Variants in CPA6 observed in about 807,000 individuals in gnomAD.
CPA6 encodes carboxypeptidase A6.
Under a neutral mutation model 63.3 loss-of-function variants are expected in CPA6, and 58 were observed. The ratio of observed to expected loss-of-function variants is 0.92; its 90% CI spans 0.74 to 1.14. CPA6 has a LOEUF of 1.14. Among genes scored for constraint, CPA6 ranks in the 50% most tolerant of loss-of-function variants. The probability of loss-of-function intolerance (pLI) is 0.00; values close to 1 mark genes in which losing one functional copy is unlikely to be tolerated. For synonymous variants in CPA6, 185 were observed against 179.0 expected (o/e 1.03, Z -0.27); for missense variants, 565 against 526.6 (o/e 1.07, Z -0.71).
At chr8:67,589,091 A>T (rs527441483) in intron 2 of CPA6, among the ~76,000 whole-genome samples, 1 of 151,804 alleles carries the variant, frequency 6.6e-6, no homozygotes, top group South Asian at 2.1e-4. Flanking sequence ...GCACTCCGGC[A>T]TGGGTGACAG....
chr8:67,518,063 C>A lies in CPA6; in HGVS notation c.193-16G>T, dbSNP rs377104806. On this transcript the variant is annotated splice_polypyrimidine_tract_variant and intron_variant, in intron 2 of 10. Transcript: ENST00000297770. ...ACAGGTCCACCTGTAGTGCAGGAAC[C>A]AACCTATAATTCATATCCAACGTAG... The A allele has an allele frequency of 9.6e-6, 15 of 1,561,234 alleles. No homozygotes were observed. The highest frequency in any genetic ancestry group is 2.7e-5 in the African/African-American group (2 of 72,798).
chr8:67,670,874 A>G (rs1037788442), intron 1 of CPA6, among the ~76,000 whole-genome samples: 5 of 152,224 alleles, frequency 3.3e-5, no homozygotes, highest in African/African-American at 1.2e-4. Context: ...AGGGGATACC[A>G]GAAATGAAAC....
chr8:67,491,250 G>A (rs1208536578), intron 6 of CPA6, among the ~76,000 whole-genome samples: 1 of 149,378 alleles, frequency 6.7e-6, no homozygotes, highest in African/African-American at 2.5e-5. Flanking sequence ...TTTCAAAGGG[G>A]AGCTTAATCT....
chr8:67,702,467 T>A (rs114288003), intron 1 of CPA6, among the ~76,000 whole-genome samples: 1 of 151,752 alleles, frequency 6.6e-6, no homozygotes, highest in Non-Finnish European at 1.5e-5. Context: ...GATGGTCAGG[T>A]GGTGGTTAAA....
chr8:67,552,266 AC>A (rs1812955501), intron 2 of CPA6, among the ~76,000 whole-genome samples: 1 of 152,232 alleles, frequency 6.6e-6, no homozygotes, highest in Non-Finnish European at 1.5e-5. Context: ...GTGGCAGGTT[AC>A]TTACCAAAGC....
chr8:67,662,410 C>CAT (rs1816130453), intron 1 of CPA6, among the ~76,000 whole-genome samples: 1 of 140,406 alleles, frequency 7.1e-6, no homozygotes, highest in African/African-American at 2.5e-5. Flanking sequence ...TATACACACA[C>CAT]GTATATGTAT....
intron 1 of CPA6, among the ~76,000 whole-genome samples, chr8:67,629,425 G>C (rs1006527350): frequency 1.4e-5 from 2 of 146,546 alleles, no homozygotes; most frequent in Admixed American, 1.4e-4. Context: ...AGGCTGCAGT[G>C]AGCTATGATC....
intron 2 of CPA6, among the ~76,000 whole-genome samples, chr8:67,590,591 GT>G (rs1314480821): frequency 6.6e-6 from 1 of 152,192 alleles, no homozygotes; most frequent in Non-Finnish European, 1.5e-5. Flanking sequence ...TCTAACTGGT[GT>G]GAGATGGTAT....
At chr8:67,511,365 TA>T (rs1812038849) in intron 4 of CPA6, among the ~76,000 whole-genome samples, 175 bp downstream of exon 4, 1 of 152,186 alleles carries the variant, frequency 6.6e-6, no homozygotes, top group Non-Finnish European at 1.5e-5. Flanking sequence ...ATCAAAGACT[TA>T]ATAGAAGAGA....
chr8:67,560,421 G>T (rs544472201), intron 2 of CPA6, among the ~76,000 whole-genome samples: 6 of 152,188 alleles, frequency 3.9e-5, no homozygotes, highest in African/African-American at 1.2e-4. Flanking sequence ...AGCTTTCAAA[G>T]GTAGGAAATA....
chr8:67,674,554 C>T (rs930079725), intron 1 of CPA6, among the ~76,000 whole-genome samples: 1 of 152,134 alleles, frequency 6.6e-6, no homozygotes, highest in Non-Finnish European at 1.5e-5. Context: ...GAAAAGGGAA[C>T]ATTTATACAC....
chr8:67,464,656 T>A (rs1188306134), intron 8 of CPA6, among the ~76,000 whole-genome samples: 1 of 152,230 alleles, frequency 6.6e-6, no homozygotes, highest in Non-Finnish European at 1.5e-5. Flanking sequence ...AGGCCTTACA[T>A]TTAAATACTT....
chr8:67,591,372 C>CT (rs1021481958), intron 2 of CPA6, among the ~76,000 whole-genome samples: 3 of 152,014 alleles, frequency 2.0e-5, no homozygotes, highest in African/African-American at 7.3e-5. Flanking sequence ...GATGTGGGCT[C>CT]TTTTTTGGTT....
intron 8 of CPA6, among the ~76,000 whole-genome samples, chr8:67,465,788 A>T (rs1159518022): frequency 6.6e-6 from 1 of 152,240 alleles, no homozygotes; most frequent in Non-Finnish European, 1.5e-5. Context: ...CCAAACTTGC[A>T]TCCCACGAAT....
chr8:67,624,244 C>T lies in CPA6; in HGVS notation c.124G>A (p.Val42Met), dbSNP rs372306981. The T allele has an allele frequency of 4.8e-6, 7 of 1,464,124 alleles. No homozygotes were observed. In the Admixed American group the frequency reaches 1.0e-4, roughly 22 times the overall value. 90.7% of individuals were successfully genotyped at this position (1,464,124 alleles called of 1,614,324 possible). Residue 42 changes from valine to methionine, a missense_variant, in exon 2 of 11, where the codon GTG (valine) becomes ATG (methionine). Val to Met is a conservative substitution (Grantham distance 21). Transcript: ENST00000297770. ...LYNNRYAGDKVIRFIPKTEEE... is the reference protein window; with the variant it reads ...LYNNRYAGDKMIRFIPKTEEE... ...TCTGTTTTGGGAATAAATCTTATCA[C>T]TTTATCACTACAAGATAAGAAAAGA...
intron 1 of CPA6, among the ~76,000 whole-genome samples, chr8:67,731,864 G>C (rs1817711667): frequency 6.6e-6 from 1 of 152,198 alleles, no homozygotes. Context: ...AAACTAGAGA[G>C]GATGTTAGGC....
intron 6 of CPA6, among the ~76,000 whole-genome samples, chr8:67,494,448 A>G (rs1475499576): frequency 1.3e-5 from 2 of 152,150 alleles, no homozygotes; most frequent in Non-Finnish European, 2.9e-5. Context: ...TTATTTGAGG[A>G]AAAAAACTGG....
At chr8:67,599,316 C>T (rs1375658628) in intron 2 of CPA6, among the ~76,000 whole-genome samples, 1 of 152,216 alleles carries the variant, frequency 6.6e-6, no homozygotes, top group African/African-American at 2.4e-5. Flanking sequence ...TTCCACCTTG[C>T]ATGCACATGC....
intron 2 of CPA6, among the ~76,000 whole-genome samples, chr8:67,575,132 A>C (rs1813590548): frequency 6.6e-6 from 1 of 152,230 alleles, no homozygotes. Flanking sequence ...TACATGAAAA[A>C]AATGCTTGAC....
Sources: allele counts gnomAD v4.1 joint callset (sites outside exome capture counted in the v4.1 genomes callset), GRCh38; gene constraint gnomAD v4.1.1; transcripts MANE v1.5; gene names NCBI Gene and HGNC (gene_info 2026-07-23, HGNC 2026-07-21).